The following VPS37A variants were observed in gnomAD, a reference collection of about 807,000 sequenced individuals.
VPS37A encodes vacuolar protein sorting-associated protein 37A.
A neutral mutation model predicts 49.8 loss-of-function variants in VPS37A; 30 were observed. That is an observed-to-expected ratio of 0.60 (90% CI 0.45 to 0.82). The LOEUF is 0.82. Among genes scored for constraint, VPS37A ranks in the 40% least tolerant of loss-of-function variants. VPS37A has a pLI of 0.00. For missense variants in VPS37A, 593 were observed against 464.4 expected (o/e 1.28, Z -2.55); for synonymous variants, 195 against 160.6 (o/e 1.21, Z -1.62).
At chr8:17,288,969 A>C (rs1238403931) in intron 11 of VPS37A, among the ~76,000 whole-genome samples, 1 of 152,212 alleles carries the variant, frequency 6.6e-6, no homozygotes, top group Non-Finnish European at 1.5e-5. Context: ...TCTAGTGACC[A>C]GTGATGATGA....
At chr8:17,279,662 C>A in intron 6 of VPS37A, 1 of 349,640 alleles carries the variant, frequency 2.9e-6, no homozygotes, top group Non-Finnish European at 5.5e-6. Context: ...GCTGAATAAG[C>A]TCCTTAGTTT....
At chr8:17,265,631 A>T (rs188115413) in intron 1 of VPS37A, 62 of 592,916 alleles carry the variant, frequency 1.0e-4, no homozygotes, top group African/African-American at 9.9e-4. Context: ...ATAGAGTGAT[A>T]GTAAAACAGT....
At position 17,247,457 on chromosome 8, in the gene VPS37A, T is replaced by C; in HGVS notation, c.125+88T>C. On this transcript the variant is annotated intron_variant, in intron 1 of 11. Coordinates refer to ENST00000324849, the MANE Select transcript of VPS37A (RefSeq NM_152415.3). ...CCACCCTCACAGCGCCTCAGTCTGC[T>C]CCCCACCAGCTCCTCATGTGGTTTA... The C allele has an allele frequency of 4.0e-6, 6 of 1,487,168 alleles. No homozygotes were observed. In the South Asian group the frequency reaches 7.8e-5, roughly 19 times the overall value. 92.1% of individuals were successfully genotyped at this position (1,487,168 alleles called of 1,614,324 possible).
At chr8:17,301,170 G>A (rs1342649246), downstream of VPS37A, among the ~76,000 whole-genome samples, 12 of 152,222 alleles carry the variant, frequency 7.9e-5, no homozygotes. Context: ...TGGGCAGTGT[G>A]AGGAAAAGAG....
downstream of VPS37A, chr8:17,299,618 T>C: frequency 2.0e-6 from 1 of 498,326 alleles, no homozygotes; most frequent in Non-Finnish European, 3.6e-6. Flanking sequence ...AATATAATTT[T>C]CATAGTCTAG....
chr8:17,309,256 A>G, the VPS37A span: 786,701 of 1,413,558 alleles, frequency 0.56, 225,789 homozygotes, highest in African/African-American at 0.65. Context: ...AACATTCAAA[A>G]CAGTCTTAAA....
intron 6 of VPS37A, 187 bp from the exon 7 acceptor site, chr8:17,279,841 C>T (rs772962900): frequency 3.8e-5 from 27 of 705,198 alleles, no homozygotes; most frequent in Non-Finnish European, 6.0e-5. Flanking sequence ...ATATTACAGA[C>T]TGCTCTATGT....
At chr8:17,307,036 G>A (rs1162365746), downstream of VPS37A, among the ~76,000 whole-genome samples, 7 of 152,276 alleles carry the variant, frequency 4.6e-5, no homozygotes, top group East Asian at 1.9e-4. Context: ...AAAATTGACA[G>A]ATGGGATCTA....
At chr8:17,273,106 G>A (rs1000671689) in intron 4 of VPS37A, among the ~76,000 whole-genome samples, 5 of 142,214 alleles carry the variant, frequency 3.5e-5, no homozygotes, top group African/African-American at 2.7e-5. Flanking sequence ...TAGTACTAAG[G>A]CACTTCCTCA....
chr8:17,282,742 A>G (rs1005847980), intron 9 of VPS37A, among the ~76,000 whole-genome samples: 1 of 152,052 alleles, frequency 6.6e-6, no homozygotes, highest in Non-Finnish European at 1.5e-5. Context: ...CACTTAAAAA[A>G]AAGACACACA....
chr8:17,269,479 T>G (rs963063622), intron 4 of VPS37A, among the ~76,000 whole-genome samples: 1 of 152,230 alleles, frequency 6.6e-6, no homozygotes, highest in Non-Finnish European at 1.5e-5. Flanking sequence ...ATTTTCCACA[T>G]CATCTTAAAT....
chr8:17,288,740 G>T (rs971044369), intron 11 of VPS37A, among the ~76,000 whole-genome samples: 2 of 152,128 alleles, frequency 1.3e-5, no homozygotes, highest in Non-Finnish European at 2.9e-5. Flanking sequence ...ATACCCAGTA[G>T]TGGGATCTGG....
downstream of VPS37A, among the ~76,000 whole-genome samples, chr8:17,306,465 T>C (rs549650269): frequency 1.2e-3 from 178 of 152,266 alleles, no homozygotes; most frequent in Non-Finnish European, 2.0e-3. Context: ...TATCACGTGA[T>C]TTATTTCCAT....
intron 11 of VPS37A, among the ~76,000 whole-genome samples, chr8:17,293,766 G>C (rs1044662892): frequency 2.6e-5 from 4 of 152,192 alleles, no homozygotes; most frequent in African/African-American, 9.7e-5. Context: ...GTTTGCCTGG[G>C]TATCACCAGC....
At chr8:17,249,563 G>A (rs1230044267) in intron 1 of VPS37A, among the ~76,000 whole-genome samples, 1 of 152,150 alleles carries the variant, frequency 6.6e-6, no homozygotes, top group Non-Finnish European at 1.5e-5. Flanking sequence ...TAGGTCATAT[G>A]CTTCCAGTTT....
At chr8:17,307,171 A>G (rs531315193), downstream of VPS37A, among the ~76,000 whole-genome samples, 10 of 152,300 alleles carry the variant, frequency 6.6e-5, no homozygotes, top group East Asian at 1.9e-3. Context: ...AGAATCTAAA[A>G]TGAACTCAAA....
the VPS37A span, among the ~76,000 whole-genome samples, chr8:17,312,711 T>C: frequency 2.6e-5 from 4 of 151,992 alleles, no homozygotes; most frequent in African/African-American, 9.7e-5. Context: ...TAAATAAAGA[T>C]TTCTTGAATA....
intron 1 of VPS37A, among the ~76,000 whole-genome samples, chr8:17,265,538 A>G (rs1278767418): frequency 6.6e-6 from 1 of 152,228 alleles, no homozygotes; most frequent in Non-Finnish European, 1.5e-5. Flanking sequence ...GATATTGCTT[A>G]ATAGTGGCAG....
At chr8:17,302,419 T>G (rs1817178140), downstream of VPS37A, 5 of 874,138 alleles carry the variant, frequency 5.7e-6, no homozygotes, top group Non-Finnish European at 8.3e-6. Flanking sequence ...AAGCCACTAC[T>G]TAAGGTAATA....
Sources: gnomAD v4.1 joint callset for allele counts (sites outside exome capture counted in the v4.1 genomes callset) on GRCh38, gnomAD v4.1.1 for gene constraint, MANE v1.5 for transcripts, NCBI Gene and HGNC (gene_info 2026-07-23, HGNC 2026-07-21) for gene names.